The following SENP7 variants were observed in gnomAD, a reference collection of about 807,000 sequenced individuals.
The protein encoded by SENP7 is sentrin-specific protease 7.
SENP7 carries 64 observed loss-of-function variants against 141.2 expected under a neutral mutation model. The observed-to-expected ratio is 0.45, with a 90% CI of 0.37 to 0.56. The LOEUF (loss-of-function observed/expected upper bound fraction) is 0.56, where lower values mean the gene tolerates loss of function less well. SENP7 is among the 20% of genes least tolerant of loss of function. The probability of loss-of-function intolerance (pLI) is 0.00; values close to 1 mark genes in which losing one functional copy is unlikely to be tolerated. For missense variants in SENP7, 1,025 were observed against 1,212.2 expected, an observed-to-expected ratio of 0.85 and a Z score of 2.29; for synonymous variants, 382 against 426.4, an observed-to-expected ratio of 0.90 and a Z score of 1.28.
intron 6 of SENP7, among the ~76,000 whole-genome samples, chr3:101,380,446 C>T (rs1003782503): frequency 2.0e-4 from 7 of 34,908 alleles, no homozygotes; most frequent in Non-Finnish European, 4.7e-4. Flanking sequence ...CCCCCCCCCC[C>T]ACACACACAC....
intron 3 of SENP7, among the ~76,000 whole-genome samples, chr3:101,482,111 C>T (rs900232091): frequency 5.3e-5 from 8 of 151,914 alleles, no homozygotes; most frequent in African/African-American, 1.9e-4. Context: ...GAGATCGAGA[C>T]CATCCTGGCT....
intron 4 of SENP7, among the ~76,000 whole-genome samples, chr3:101,420,289 AC>A (rs2061750269): frequency 6.6e-6 from 1 of 152,144 alleles, no homozygotes; most frequent in Admixed American, 6.5e-5. Context: ...AATGGCGTGA[AC>A]CCAGGAGGCG....
intron 10 of SENP7, among the ~76,000 whole-genome samples, chr3:101,363,810 C>G (rs1246008094): frequency 6.6e-6 from 1 of 152,166 alleles, no homozygotes; most frequent in African/African-American, 2.4e-5. Flanking sequence ...CCATACTCTG[C>G]AAAATAACAG....
Position 101,325,863 on chromosome 3 carries a change from G to A in SENP7, c.*80C>T. On this transcript the variant is annotated 3_prime_UTR_variant, in exon 24 of 24. Transcript: ENST00000394095. ...ACTACTGCAAGTTATTTTCTTCTCT[G>A]TGAGCTGGCTAACACAAATGCTGGT... 7.6e-7 allele frequency: 1 copy of A among 1,311,418 alleles called. No homozygotes were observed. The allele number at this position is 1,311,418 out of a possible 1,614,324, so 81.2% of individuals were successfully genotyped here.
rs1052733778 is a variant in SENP7, at chr3:101,436,974, C to T, written c.285-19184G>A. Among the ~76,000 whole-genome samples the T allele has an allele frequency of 4.6e-5, 7 of 152,266 alleles. No homozygotes were observed. In the East Asian group the frequency reaches 5.8e-4, roughly 13 times the overall value. ...AGTAGATTTGGAAGTGATCTAAGTG[C>T]CCATTAATAGATGAATGGATAAATA... On this transcript the variant is annotated intron_variant, in intron 4 of 23. Coordinates refer to ENST00000394095, the MANE Select transcript of SENP7 (RefSeq NM_020654.5).
At chr3:101,504,310 T>A (rs1471629294) in intron 1 of SENP7, among the ~76,000 whole-genome samples, 2 of 136,906 alleles carry the variant, frequency 1.5e-5, no homozygotes, top group East Asian at 2.3e-4. Flanking sequence ...AAAAAAAAAA[T>A]TAGCTGGGTG....
At chr3:101,432,890 C>T (rs927371117) in intron 4 of SENP7, among the ~76,000 whole-genome samples, 2 of 152,158 alleles carry the variant, frequency 1.3e-5, no homozygotes, top group Non-Finnish European at 2.9e-5. Flanking sequence ...CTAGCATCAA[C>T]ATCACCAAGG....
chr3:101,373,738 G>A (rs140510315), intron 6 of SENP7, among the ~76,000 whole-genome samples: 2 of 152,308 alleles, frequency 1.3e-5, no homozygotes, highest in East Asian at 3.9e-4. Context: ...ATGCACAACA[G>A]TGAAGCCAAA....
At chr3:101,341,598 AACTACT>A (rs755221595) in intron 15 of SENP7, 42 bp downstream of exon 15, 1 of 1,378,980 alleles carries the variant, frequency 7.3e-7, no homozygotes, top group South Asian at 2.2e-5. Context: ...CATGAATAAA[AACTACT>A]AATATGCCCA....
intron 3 of SENP7, among the ~76,000 whole-genome samples, chr3:101,491,293 T>G (rs1238550881): frequency 1.3e-5 from 2 of 150,454 alleles, no homozygotes; most frequent in Non-Finnish European, 3.0e-5. Flanking sequence ...TAGCTTATTT[T>G]TTAATTTTTA....
intron 12 of SENP7, among the ~76,000 whole-genome samples, chr3:101,349,518 T>C (rs1327697679): frequency 6.6e-6 from 1 of 152,142 alleles, no homozygotes; most frequent in Non-Finnish European, 1.5e-5. Flanking sequence ...TTTTTTGTCC[T>C]TGCAATAGTT....
At chr3:101,491,738 A>G (rs1308916252) in intron 3 of SENP7, among the ~76,000 whole-genome samples, 1 of 152,228 alleles carries the variant, frequency 6.6e-6, no homozygotes, top group Non-Finnish European at 1.5e-5. Flanking sequence ...GTTCTTTTAC[A>G]CTAATTTTAA....
chr3:101,379,730 T>C (rs1021538636), intron 6 of SENP7, among the ~76,000 whole-genome samples: 1 of 152,150 alleles, frequency 6.6e-6, no homozygotes, highest in East Asian at 1.9e-4. Context: ...CTGGTGGCAA[T>C]GTAACATGGT....
intron 1 of SENP7, 112 bp downstream of exon 1, chr3:101,512,979 G>GCCCCCCCCC: frequency 1.7e-6 from 2 of 1,165,980 alleles, no homozygotes; most frequent in South Asian, 2.4e-5. Context: ...TCCTCTCCCC[G>GCCCCCCCCC]CCCCCGCCCT....
intron 3 of SENP7, among the ~76,000 whole-genome samples, chr3:101,468,090 G>A (rs1325027284): frequency 6.6e-6 from 1 of 152,162 alleles, no homozygotes; most frequent in African/African-American, 2.4e-5. Context: ...ATTCAGTCAA[G>A]TGGAAGAAAG....
At chr3:101,491,299 T>C (rs989893968) in intron 3 of SENP7, among the ~76,000 whole-genome samples, 4 of 149,176 alleles carry the variant, frequency 2.7e-5, no homozygotes, top group African/African-American at 4.9e-5. Context: ...ATTTTTTAAT[T>C]TTTAGTAGAA....
intron 5 of SENP7, chr3:101,414,497 T>C (rs2061550451): frequency 1.3e-6 from 2 of 1,542,118 alleles, no homozygotes; most frequent in East Asian, 2.2e-5. Flanking sequence ...AAAGATTCAA[T>C]AGCTGCTGGG....
chr3:101,337,690 C>T, intron 16 of SENP7, 59 bp from the exon 17 acceptor site: 1 of 1,370,626 alleles, frequency 7.3e-7, no homozygotes, highest in African/African-American at 1.5e-5. Flanking sequence ...GGTCGTCCCC[C>T]AGTTGTCTTA....
chr3:101,385,137 GATGTGTGTGTGTGC>G (rs1382605387), intron 6 of SENP7, among the ~76,000 whole-genome samples: 3 of 152,136 alleles, frequency 2.0e-5, no homozygotes, highest in Non-Finnish European at 2.9e-5. Flanking sequence ...AATATATGGA[GATGTGTGTGTGTGC>G]ATGTGTGTGT....
Sources: allele counts gnomAD v4.1 joint callset (sites outside exome capture counted in the v4.1 genomes callset), GRCh38; gene constraint gnomAD v4.1.1; transcripts MANE v1.5; gene names NCBI Gene and HGNC (gene_info 2026-07-23, HGNC 2026-07-21).